The following ITGA11 variants were observed in gnomAD, a reference collection of about 807,000 sequenced individuals.
ITGA11 encodes integrin alpha-11.
ITGA11 carries 97 observed loss-of-function variants against 141.9 expected under a neutral mutation model. That is an observed-to-expected ratio of 0.68 (90% CI 0.58 to 0.81). The LOEUF is 0.81. Ranked by LOEUF, ITGA11 falls within the 30% of genes least tolerant of loss-of-function variation. The pLI is 0.00. For synonymous variants in ITGA11, 658 were observed against 624.6 expected (o/e 1.05, Z -0.80); for missense variants, 1,387 against 1,559.2 (o/e 0.89, Z 1.86).
intron 3 of ITGA11, among the ~76,000 whole-genome samples, chr15:68,367,735 G>A (rs1895469954): frequency 6.6e-6 from 1 of 152,216 alleles, no homozygotes; most frequent in Non-Finnish European, 1.5e-5. Context: ...TTCGGAAACA[G>A]ATTAGACCTG....
intron 7 of ITGA11, among the ~76,000 whole-genome samples, chr15:68,355,314 C>T (rs1895037339): frequency 6.6e-6 from 1 of 152,176 alleles, no homozygotes; most frequent in Non-Finnish European, 1.5e-5. Flanking sequence ...TTAGGAAAAG[C>T]TTGAGCAAGT....
chr15:68,353,293 C>T (rs1045109314), intron 7 of ITGA11, among the ~76,000 whole-genome samples: 5 of 152,212 alleles, frequency 3.3e-5, no homozygotes, highest in African/African-American at 1.2e-4. Flanking sequence ...GATATGTTGC[C>T]TTAAAAAACC....
At chr15:68,348,804 T>C in intron 10 of ITGA11, 26 bp downstream of exon 10, 1 of 1,592,042 alleles carries the variant, frequency 6.3e-7, no homozygotes, top group South Asian at 1.1e-5. Flanking sequence ...GAGGCTGGGC[T>C]CTGTGCCCGT....
chr15:68,376,327 C>T (rs989694466), intron 2 of ITGA11, among the ~76,000 whole-genome samples: 1 of 152,188 alleles, frequency 6.6e-6, no homozygotes, highest in Non-Finnish European at 1.5e-5. Context: ...CCAAAGCGGC[C>T]TTTCCTGAAG....
At chr15:68,376,228 C>CTTTT (rs11424476) in intron 2 of ITGA11, among the ~76,000 whole-genome samples, 9 of 147,898 alleles carry the variant, frequency 6.1e-5, no homozygotes, top group African/African-American at 2.2e-4. Flanking sequence ...GTTCTCCTCT[C>CTTTT]TTTTTTTTTT....
chr15:68,408,298 T>A (rs1053738874), intron 1 of ITGA11, among the ~76,000 whole-genome samples: 2 of 152,134 alleles, frequency 1.3e-5, no homozygotes, highest in African/African-American at 2.4e-5. Flanking sequence ...TGCTTAATGA[T>A]CTCATCACCC....
At chr15:68,361,938 G>A (rs1385333963) in intron 4 of ITGA11, 1 of 451,522 alleles carries the variant, frequency 2.2e-6, no homozygotes, top group East Asian at 4.3e-5. Context: ...CTCTTTCATT[G>A]TTTTTTCAAG....
intron 2 of ITGA11, among the ~76,000 whole-genome samples, chr15:68,395,274 C>T (rs1896204040): frequency 6.6e-6 from 1 of 152,140 alleles, no homozygotes; most frequent in African/African-American, 2.4e-5. Context: ...TTTTGTCCTC[C>T]AAAGGATCGC....
At chr15:68,431,697 C>A (rs1897274024) in intron 1 of ITGA11, among the ~76,000 whole-genome samples, 1 of 152,368 alleles carries the variant, frequency 6.6e-6, no homozygotes, top group South Asian at 2.1e-4. Flanking sequence ...GTGCGGGAAC[C>A]CCGGCATGGG....
At chr15:68,384,312 GA>G (rs949914532) in intron 2 of ITGA11, among the ~76,000 whole-genome samples, 2 of 151,272 alleles carry the variant, frequency 1.3e-5, no homozygotes, top group Non-Finnish European at 2.9e-5. Context: ...GAGAGAAGAG[GA>G]AAAAAAATCA....
chr15:68,376,163 G>A (rs1336302235), intron 2 of ITGA11, among the ~76,000 whole-genome samples: 2 of 151,966 alleles, frequency 1.3e-5, no homozygotes, highest in Non-Finnish European at 2.9e-5. Context: ...CCAGATCCAT[G>A]CCAACAAAAT....
At position 68,332,229 on chromosome 15, in the gene ITGA11, C is replaced by T. The variant is rs1283974581; in HGVS notation, c.1566+109G>A. ...AGAGGAGGCTCTGATTCTCCCCAGG[C>T]CTGGCTCCAGCACTGGCCTCGCTAG... On this transcript the variant is annotated intron_variant, in intron 13 of 29. Coordinates refer to ENST00000315757, the MANE Select transcript of ITGA11 (RefSeq NM_001004439.2). The T allele has an allele frequency of 3.6e-6, 5 of 1,370,316 alleles. No homozygotes were observed. In the Admixed American group the frequency reaches 8.3e-5, roughly 23 times the overall value. The allele number at this position is 1,370,316 out of a possible 1,614,324, so 84.9% of individuals were successfully genotyped here.
At position 68,335,939 on chromosome 15, in the gene ITGA11, C is replaced by A. The variant is rs964761872; in HGVS notation, c.1277-94G>T. 3 of 1,418,724 alleles carry A rather than the reference C, an allele frequency of 2.1e-6. No homozygotes were observed. Among genetic ancestry groups the A allele is most frequent in the Non-Finnish European group, 2.9e-6 (3 of 1,038,388 alleles). 87.9% of individuals were successfully genotyped at this position (1,418,724 alleles called of 1,614,324 possible). ...TGGCTTGGCAGTGCCAGAGGATGGG[C>A]CAGTGATGGGGTAGGTTCAGGGCTA... On this transcript the variant is annotated intron_variant, in intron 11 of 29. Coordinates refer to ENST00000315757, the MANE Select transcript of ITGA11 (RefSeq NM_001004439.2). This position sits in a 1 kb window ranked among gnomAD's most constrained non-coding sequence, Gnocchi z 4.9.
At chr15:68,415,929 G>A (rs548481988) in intron 1 of ITGA11, among the ~76,000 whole-genome samples, 1 of 152,188 alleles carries the variant, frequency 6.6e-6, no homozygotes, top group South Asian at 2.1e-4. Context: ...AAGGGCCTAA[G>A]TAGAGGGATG....
intron 1 of ITGA11, among the ~76,000 whole-genome samples, chr15:68,411,001 C>T (rs1276358237): frequency 2.0e-5 from 3 of 152,310 alleles, no homozygotes; most frequent in African/African-American, 4.8e-5. Context: ...GGGGAGTGTG[C>T]GGTTCCGCCC....
At position 68,307,252 on chromosome 15, in the gene ITGA11, C is replaced by T; in HGVS notation, c.3381+96G>A. 2.4e-6 allele frequency: 2 copies of T among 834,432 alleles called. No individual in the cohort carries two copies. Among genetic ancestry groups the T allele is most frequent in the African/African-American group, 1.7e-5 (1 of 58,878 alleles). The allele number at this position is 834,432 out of a possible 1,614,324, so 51.7% of individuals were successfully genotyped here. ...GATTCTCTCCTGCTGGGACATGCAGCCAGGGGTTGTAGGAAAACTCTATAG... is the reference window on the plus strand; with the variant it reads ...GATTCTCTCCTGCTGGGACATGCAGTCAGGGGTTGTAGGAAAACTCTATAG... On this transcript the variant is annotated intron_variant, in intron 28 of 29. Coordinates refer to ENST00000315757, the MANE Select transcript of ITGA11 (RefSeq NM_001004439.2). This position sits in a 1 kb window ranked among gnomAD's most constrained non-coding sequence, Gnocchi z 6.1.
At chr15:68,425,905 A>T (rs1481634119) in intron 1 of ITGA11, among the ~76,000 whole-genome samples, 1 of 152,212 alleles carries the variant, frequency 6.6e-6, no homozygotes, top group Non-Finnish European at 1.5e-5. Context: ...GGAAGCCCGG[A>T]GTGCATTGCT....
chr15:68,305,641 G>A lies in ITGA11; in HGVS notation c.3381+1707C>T, dbSNP rs1434669231. On this transcript the variant is annotated intron_variant, in intron 28 of 29. Coordinates refer to ENST00000315757, the MANE Select transcript of ITGA11 (RefSeq NM_001004439.2). This position sits in a 1 kb window ranked among gnomAD's most constrained non-coding sequence, Gnocchi z 4.6. ...ACTGTTCAACTTGAGGCAAGTCACT[G>A]TCCCTCCTGCCTCATCTCACATGCC... 6.6e-6 allele frequency among the ~76,000 whole-genome samples: 1 copy of A among 152,108 alleles called. No individual in the cohort carries two copies. Among genetic ancestry groups the A allele is most frequent in the Non-Finnish European group, 1.5e-5 (1 of 68,034 alleles).
chr15:68,333,854 C>T lies in ITGA11; in HGVS notation c.1426-1376G>A, dbSNP rs1306900200. 2.6e-5 allele frequency among the ~76,000 whole-genome samples: 4 copies of T among 152,228 alleles called. No homozygotes were observed. Among genetic ancestry groups the T allele is most frequent in the East Asian group, 3.8e-4 (2 of 5,202 alleles). On this transcript the variant is annotated intron_variant, in intron 12 of 29. Coordinates refer to ENST00000315757, the MANE Select transcript of ITGA11 (RefSeq NM_001004439.2). The surrounding 1 kb of genome is among the most constrained non-coding windows in gnomAD (Gnocchi z 4.2). The stretch of plus-strand genomic sequence containing the variant: ...GCTCCTGCTCCCACTGCAGTGCTCC[C>T]GGGTCCTGCCAAACTGAGTTATTTC...
Sources: allele counts gnomAD v4.1 joint callset (sites outside exome capture counted in the v4.1 genomes callset), GRCh38; gene constraint gnomAD v4.1.1; non-coding constraint Gnocchi (gnomAD v3.1); transcripts MANE v1.5; gene names NCBI Gene and HGNC (gene_info 2026-07-23, HGNC 2026-07-21).